The following FLT1 variants were observed in gnomAD, a reference collection of about 807,000 sequenced individuals.
The protein encoded by FLT1 is vascular endothelial growth factor receptor 1.
Under a neutral mutation model 156.3 loss-of-function variants are expected in FLT1, and 49 were observed. That is an observed-to-expected ratio of 0.31 (90% CI 0.25 to 0.40). FLT1 has a LOEUF of 0.40. FLT1 is among the 10% of genes least tolerant of loss of function. The pLI is 1.00. For missense variants in FLT1, 1,322 were observed against 1,637.2 expected (o/e 0.81, Z 3.32); for synonymous variants, 594 against 583.8 (o/e 1.02, Z -0.25).
Position 28,467,598 on chromosome 13 carries a change from T to C in FLT1, c.84A>G (p.Lys28=). ...TTAAACTCAGTTCAGGATCTTTTAA[T>C]TTTGAACCTGAACTAGATCCTGAAA... is the stretch of plus-strand genomic sequence containing the variant. The part of the protein sequence containing the change: ...LLLTGSSSGS[K]LKDPELSLKG... Residue 28 remains lysine (K), a synonymous_variant, in exon 2 of 30, where the codon AAA becomes AAG. Coordinates refer to ENST00000282397, the MANE Select transcript of FLT1 (RefSeq NM_002019.4). 6.2e-7 allele frequency: 1 copy of C among 1,604,220 alleles called. No individual in the cohort carries two copies.
chr13:28,473,343 A>T (rs544453594), intron 1 of FLT1, among the ~76,000 whole-genome samples: 4 of 151,762 alleles, frequency 2.6e-5, no homozygotes, highest in Non-Finnish European at 5.9e-5. Flanking sequence ...TACCTATAAC[A>T]GCCAAAAAGA....
intron 1 of FLT1, 141 bp downstream of exon 1, chr13:28,494,639 G>A (rs1881655632): frequency 1.5e-6 from 1 of 652,226 alleles, no homozygotes; most frequent in East Asian, 3.2e-5. Context: ...TGCAACTAGT[G>A]TCCCAGGTTC....
At chr13:28,335,349 T>G (rs1348606835) in intron 17 of FLT1, among the ~76,000 whole-genome samples, 1 of 152,168 alleles carries the variant, frequency 6.6e-6, no homozygotes, top group Admixed American at 6.5e-5. Context: ...CAAGTGCTCT[T>G]TCTTAGACCC....
At chr13:28,318,139 T>A (rs1474093420) in intron 24 of FLT1, among the ~76,000 whole-genome samples, 1 of 152,146 alleles carries the variant, frequency 6.6e-6, no homozygotes, top group African/African-American at 2.4e-5. Flanking sequence ...GGCTTCTTTT[T>A]AAAAAGCCAA....
intron 3 of FLT1, among the ~76,000 whole-genome samples, chr13:28,443,304 T>A (rs926834713): frequency 6.6e-6 from 1 of 152,210 alleles, no homozygotes; most frequent in Non-Finnish European, 1.5e-5. Flanking sequence ...GTCTATTTTT[T>A]AAATGTGTTT....
chr13:28,490,669 G>A (rs1229247607), intron 1 of FLT1, among the ~76,000 whole-genome samples: 3 of 152,176 alleles, frequency 2.0e-5, no homozygotes, highest in Non-Finnish European at 4.4e-5. Context: ...GGCCAATGGA[G>A]CAGAATGGAC....
chr13:28,490,939 G>A (rs147473668), intron 1 of FLT1, among the ~76,000 whole-genome samples: 4 of 152,208 alleles, frequency 2.6e-5, no homozygotes, highest in Admixed American at 6.5e-5. Context: ...TAACATTCAC[G>A]TGCCAAGATA....
At chr13:28,331,948 G>T (rs1871949525) in intron 18 of FLT1, among the ~76,000 whole-genome samples, 1 of 152,282 alleles carries the variant, frequency 6.6e-6, no homozygotes, top group Middle Eastern at 3.4e-3. Context: ...AATCTCAGCT[G>T]GGTGCAGTGG....
intron 14 of FLT1, among the ~76,000 whole-genome samples, chr13:28,365,885 A>G (rs1248201335): frequency 2.0e-5 from 3 of 152,344 alleles, no homozygotes; most frequent in African/African-American, 7.2e-5. Flanking sequence ...ATGGACCAAC[A>G]GGGCATAGAG....
At chr13:28,353,050 T>C (rs1461358921) in intron 15 of FLT1, among the ~76,000 whole-genome samples, 1 of 152,220 alleles carries the variant, frequency 6.6e-6, no homozygotes, top group Non-Finnish European at 1.5e-5. Context: ...GGATGAGTCC[T>C]TTCTCAAACA....
intron 23 of FLT1, among the ~76,000 whole-genome samples, chr13:28,320,862 T>C (rs1477042547): frequency 1.3e-5 from 2 of 151,946 alleles, no homozygotes; most frequent in African/African-American, 2.4e-5. Context: ...TCAGGGTATA[T>C]AGGCTGAGGG....
chr13:28,306,164 T>G (rs976827382), intron 29 of FLT1, among the ~76,000 whole-genome samples: 6 of 152,140 alleles, frequency 3.9e-5, no homozygotes, highest in African/African-American at 1.4e-4. Context: ...GAGGAGCTGG[T>G]GGACTACAAG....
chr13:28,461,792 T>C (rs1261653738), intron 3 of FLT1, among the ~76,000 whole-genome samples: 1 of 152,246 alleles, frequency 6.6e-6, no homozygotes, highest in African/African-American at 2.4e-5. Context: ...GAAATTCTAC[T>C]GCTTTCAGTT....
intron 23 of FLT1, among the ~76,000 whole-genome samples, chr13:28,320,455 C>G (rs1424836438): frequency 6.6e-6 from 1 of 152,096 alleles, no homozygotes; most frequent in Non-Finnish European, 1.5e-5. Context: ...AATTCCTGGC[C>G]CGCGGGCCAC....
chr13:28,304,380 G>T (rs1017734097), intron 29 of FLT1, among the ~76,000 whole-genome samples: 23 of 152,132 alleles, frequency 1.5e-4, no homozygotes, highest in African/African-American at 5.6e-4. Context: ...GCCTGGAAAT[G>T]CCCCTGTCTT....
At chr13:28,372,749 G>T (rs1248529843) in intron 14 of FLT1, among the ~76,000 whole-genome samples, 3 of 151,420 alleles carry the variant, frequency 2.0e-5, no homozygotes, top group Non-Finnish European at 4.4e-5. Flanking sequence ...GGGCATGGTG[G>T]TGCGGGCCTG....
At chr13:28,388,192 C>T in intron 13 of FLT1, 1 of 1,057,914 alleles carries the variant, frequency 9.5e-7, no homozygotes, top group Non-Finnish European at 1.1e-6. Context: ...TTTGGGCTGA[C>T]AACTTCCAGG....
chr13:28,390,162 A>G, intron 12 of FLT1, 58 bp from the exon 13 acceptor site: 1 of 1,585,522 alleles, frequency 6.3e-7, no homozygotes. Flanking sequence ...TTTTAATGAG[A>G]TATTCAAAGA....
At chr13:28,420,993 C>G (rs1187546214) in intron 10 of FLT1, among the ~76,000 whole-genome samples, 1 of 151,560 alleles carries the variant, frequency 6.6e-6, no homozygotes, top group Non-Finnish European at 1.5e-5. Flanking sequence ...GGCCACCCCA[C>G]CCCCCATCCC....
Sources: gnomAD v4.1 joint callset for allele counts (sites outside exome capture counted in the v4.1 genomes callset) on GRCh38, gnomAD v4.1.1 for gene constraint, MANE v1.5 for transcripts, NCBI Gene and HGNC (gene_info 2026-07-23, HGNC 2026-07-21) for gene names.